The following CLMN variants were observed in gnomAD, a reference collection of about 807,000 sequenced individuals.
CLMN encodes the protein calmin (calponin-like, transmembrane).
In CLMN, 57 loss-of-function variants were observed where a neutral mutation model predicts 92.7. The observed-to-expected ratio is 0.61, with a 90% confidence interval of 0.50 to 0.77. CLMN has a LOEUF of 0.77. Among genes scored for constraint, CLMN ranks in the 30% least tolerant of loss-of-function variants. The pLI is 0.00. For synonymous variants in CLMN, 466 were observed against 470.6 expected, an observed-to-expected ratio of 0.99 and a Z score of 0.13; for missense variants, 1,158 against 1,237.5, an observed-to-expected ratio of 0.94 and a Z score of 0.96.
intron 5 of CLMN, 140 bp from the exon 6 acceptor site, chr14:95,213,549 T>C: frequency 1.4e-6 from 1 of 722,118 alleles, no homozygotes; most frequent in Non-Finnish European, 2.2e-6. Context: ...GAGAAACCCT[T>C]TCTGATGGCT....
rs548824751 is a variant in CLMN, at chr14:95,229,861, A to G, written c.144+211T>C. On this transcript the variant is annotated intron_variant, in intron 2 of 12. Coordinates refer to ENST00000298912, the MANE Select transcript of CLMN (RefSeq NM_024734.4). ...AGACCCTCTCTTTCCTTCCCCTGAT[A>G]AGAATGATGACCCCAGGAGGGCAGA... 5.3e-5 allele frequency among the ~76,000 whole-genome samples: 8 copies of G among 152,124 alleles called. No homozygotes were observed. In the South Asian group the frequency reaches 1.5e-3, roughly 28 times the overall value.
intron 9 of CLMN, 46 bp from the exon 10 acceptor site, chr14:95,196,740 G>C (rs1471563244): frequency 6.4e-7 from 1 of 1,573,476 alleles, no homozygotes; most frequent in Non-Finnish European, 8.7e-7. Flanking sequence ...TCACGCTGCA[G>C]TGTAAAGTAG....
At chr14:95,229,940 G>A in intron 2 of CLMN, 132 bp downstream of exon 2, 1 of 812,958 alleles carries the variant, frequency 1.2e-6, no homozygotes, top group South Asian at 1.6e-5. Context: ...GGCAGGGGGA[G>A]GCACTTATAA....
chr14:95,239,108 T>C (rs1365069089), intron 1 of CLMN, among the ~76,000 whole-genome samples: 1 of 152,172 alleles, frequency 6.6e-6, no homozygotes, highest in Non-Finnish European at 1.5e-5. Flanking sequence ...GAAAGGGATT[T>C]TAACATTCAC....
chr14:95,272,565 A>C (rs938850921), intron 1 of CLMN, among the ~76,000 whole-genome samples: 3 of 152,228 alleles, frequency 2.0e-5, no homozygotes, highest in African/African-American at 7.2e-5. Context: ...AGTAACATTC[A>C]AAGTTTGAAG....
intron 1 of CLMN, among the ~76,000 whole-genome samples, chr14:95,283,200 T>C (rs1195765658): frequency 6.6e-6 from 1 of 152,256 alleles, no homozygotes; most frequent in Non-Finnish European, 1.5e-5. Flanking sequence ...TCTCATGCGA[T>C]CTGATGGGTT....
At position 95,203,163 on chromosome 14, in the gene CLMN, A is replaced by G; in HGVS notation, c.2186T>C (p.Phe729Ser). Residue 729 changes from phenylalanine (F) to serine (S), a missense_variant, in exon 9 of 13, where the codon TTC (phenylalanine) becomes TCC (serine). Phe to Ser is a radical substitution (Grantham distance 155). Transcript: ENST00000298912. ...VSVIPHDLFY[F>S]PHYEVPLAAV... is the part of the protein sequence containing the mutation. Reference sequence around the variant, plus strand: ...AGCCAGGGGAACCTCATAGTGTGGGAAATAGAAGAGGTCGTGGGGAATGAC... The same window carrying G: ...AGCCAGGGGAACCTCATAGTGTGGGGAATAGAAGAGGTCGTGGGGAATGAC... The G allele has an allele frequency of 6.2e-7, 1 of 1,612,724 alleles. No individual in the cohort carries two copies. The highest frequency in any genetic ancestry group is 8.5e-7 in the Non-Finnish European group (1 of 1,179,994).
intron 11 of CLMN, 48 bp from the exon 12 acceptor site, chr14:95,193,967 G>A: frequency 6.2e-7 from 1 of 1,600,348 alleles, no homozygotes; most frequent in Non-Finnish European, 8.5e-7. Context: ...AATTAGTAAA[G>A]ATGAAATCTC....
intron 1 of CLMN, among the ~76,000 whole-genome samples, chr14:95,237,383 C>A (rs1290634543): frequency 6.6e-6 from 1 of 152,236 alleles, no homozygotes; most frequent in African/African-American, 2.4e-5. Context: ...TGGATCCCAC[C>A]TGAACCCCAG....
At chr14:95,193,426 AAC>A in intron 12 of CLMN, 1 of 1,510,686 alleles carries the variant, frequency 6.6e-7, no homozygotes, top group Non-Finnish European at 8.9e-7. Flanking sequence ...CTGCAGTGGC[AAC>A]AGAGAATGGA....
chr14:95,216,582 G>A (rs1897355123), intron 4 of CLMN, among the ~76,000 whole-genome samples: 1 of 152,202 alleles, frequency 6.6e-6, no homozygotes, highest in Non-Finnish European at 1.5e-5. Flanking sequence ...GACAAACACA[G>A]AGCACCGACA....
Position 95,204,468 on chromosome 14 carries a change from A to C in CLMN, c.886-5T>G. ...ATCTGAATCGAAAATATCTTCCTGC[A>C]AAAAAAAACAAAAACAAACAAACAA... is the stretch of plus-strand genomic sequence containing the variant. On this transcript the variant is annotated splice_region_variant and splice_polypyrimidine_tract_variant and intron_variant, in intron 8 of 12. Transcript: ENST00000298912. The C allele has an allele frequency of 6.9e-7, 1 of 1,446,000 alleles. No homozygotes were observed. The highest frequency in any genetic ancestry group is 9.0e-7 in the Non-Finnish European group (1 of 1,109,692). The allele number at this position is 1,446,000 out of a possible 1,614,324, so 89.6% of individuals were successfully genotyped here. A position where few individuals can be genotyped will look rare whatever the true frequency, so the allele number is the denominator to read the frequency against.
At chr14:95,280,197 T>G (rs1900093554) in intron 1 of CLMN, among the ~76,000 whole-genome samples, 1 of 152,124 alleles carries the variant, frequency 6.6e-6, no homozygotes, top group Non-Finnish European at 1.5e-5. Flanking sequence ...TGGTCTGTGC[T>G]TTAACAAAAA....
At chr14:95,227,853 A>T (rs1314420499) in intron 2 of CLMN, among the ~76,000 whole-genome samples, 1 of 152,246 alleles carries the variant, frequency 6.6e-6, no homozygotes, top group East Asian at 1.9e-4. Flanking sequence ...GACAGCCTTC[A>T]AATTGCAGTT....
Position 95,258,854 on chromosome 14 carries a change from G to C in CLMN, c.83-28721C>G, listed in dbSNP as rs571356997. Among the ~76,000 whole-genome samples, 66 of 147,332 alleles carry C rather than the reference G, an allele frequency of 4.5e-4. 1 individual carries two copies. The highest frequency in any genetic ancestry group is 1.6e-3 in the African/African-American group (64 of 39,668). ...TGTGGTATGTGTATGTATCTGTGGT[G>C]TGTGTGTGGTATGTGTATGTATCTG... is the stretch of plus-strand genomic sequence containing the variant. On this transcript the variant is annotated intron_variant, in intron 1 of 12. Transcript: ENST00000298912.
In CLMN at chr14:95,291,753, G is replaced by A. The variant is rs146576119; in HGVS notation, c.82+27958C>T. 2.2e-3 allele frequency among the ~76,000 whole-genome samples: 342 copies of A among 152,316 alleles called. 2 individuals carry two copies. The highest frequency in any genetic ancestry group is 0.012 in the South Asian group (56 of 4,820). Reference sequence around the variant, plus strand: ...GGGGACAAGAATGAACGTGCAAGGAGGTTCAGCAGGAGGTACCAAAAAGCA... The same window carrying A: ...GGGGACAAGAATGAACGTGCAAGGAAGTTCAGCAGGAGGTACCAAAAAGCA... On this transcript the variant is annotated intron_variant, in intron 1 of 12. Coordinates refer to ENST00000298912, the MANE Select transcript of CLMN (RefSeq NM_024734.4).
At position 95,189,043 on chromosome 14, in the gene CLMN, A is replaced by G. The variant is rs115643339; in HGVS notation, c.*2521T>C. The G allele has an allele frequency of 1.3e-3, 193 of 152,254 alleles. 3 individuals are homozygous for G. The highest frequency in any genetic ancestry group is 4.6e-3 in the African/African-American group (190 of 41,556). The allele number at this position is 152,254 out of a possible 1,614,324, so 9.4% of individuals were successfully genotyped here. A position where few individuals can be genotyped will look rare whatever the true frequency, so the allele number is the denominator to read the frequency against. On this transcript the variant is annotated 3_prime_UTR_variant, in exon 13 of 13. Transcript: ENST00000298912. ...ATTAATGGGGACATTTGGAGGAGAAAGGACATGTAACCATAACACACTGCT... is the reference window on the plus strand; with the variant it reads ...ATTAATGGGGACATTTGGAGGAGAAGGGACATGTAACCATAACACACTGCT...
intron 1 of CLMN, among the ~76,000 whole-genome samples, chr14:95,236,683 C>T (rs2140646284): frequency 6.6e-6 from 1 of 152,366 alleles, no homozygotes; most frequent in Admixed American, 6.5e-5. Context: ...GACCTTTCTC[C>T]CACAGAAGAC....
chr14:95,269,982 C>T (rs949639540), intron 1 of CLMN, among the ~76,000 whole-genome samples: 6 of 151,306 alleles, frequency 4.0e-5, no homozygotes, highest in Non-Finnish European at 7.4e-5. Context: ...CACCGCGATT[C>T]GGAGACTCAG....
Sources: gnomAD v4.1 joint callset for allele counts (sites outside exome capture counted in the v4.1 genomes callset) on GRCh38, gnomAD v4.1.1 for gene constraint, MANE v1.5 for transcripts, NCBI Gene and HGNC (gene_info 2026-07-23, HGNC 2026-07-21) for gene names.